The following PDE4D variants were observed in gnomAD, a reference collection of about 807,000 sequenced individuals.
PDE4D encodes 3',5'-cyclic-AMP phosphodiesterase 4D.
PDE4D carries 24 observed loss-of-function variants against 87.4 expected under a neutral mutation model. That is an observed-to-expected ratio of 0.27 (90% CI 0.20 to 0.39). The LOEUF (loss-of-function observed/expected upper bound fraction) is 0.39. PDE4D is among the 10% of genes least tolerant of loss of function. PDE4D has a pLI of 1.00. For synonymous variants in PDE4D, 384 were observed against 383.2 expected (o/e 1.00, Z -0.02); for missense variants, 714 against 1,041.0 (o/e 0.69, Z 4.32).
intron 1 of PDE4D, among the ~76,000 whole-genome samples, chr5:59,479,833 G>T (rs1288922094): frequency 1.3e-5 from 2 of 151,982 alleles, no homozygotes; most frequent in African/African-American, 4.8e-5. Flanking sequence ...ACAATGTCAT[G>T]AAAAGAAGTT....
At chr5:59,538,250 C>G (rs2153682863) in intron 1 of PDE4D, among the ~76,000 whole-genome samples, 1 of 152,246 alleles carries the variant, frequency 6.6e-6, no homozygotes, top group East Asian at 1.9e-4. Flanking sequence ...AGTTTTTTGG[C>G]TTTAGCCTCT....
intron 2 of PDE4D, among the ~76,000 whole-genome samples, chr5:60,134,379 C>T (rs555371471): frequency 3.3e-5 from 5 of 152,154 alleles, no homozygotes; most frequent in Non-Finnish European, 7.3e-5. Flanking sequence ...GTGGCCCACA[C>T]ATGTGGTCCT....
At chr5:59,246,007 ATAT>A (rs1236363466) in intron 1 of PDE4D, among the ~76,000 whole-genome samples, 1 of 149,740 alleles carries the variant, frequency 6.7e-6, no homozygotes, top group Non-Finnish European at 1.5e-5. Flanking sequence ...ATACATATAA[ATAT>A]TATATATAAA....
chr5:60,214,065 C>A (rs1391467049), intron 1 of PDE4D, among the ~76,000 whole-genome samples: 1 of 152,066 alleles, frequency 6.6e-6, no homozygotes, highest in East Asian at 1.9e-4. Context: ...ATTTACGAAC[C>A]ATTGCAGACG....
intron 2 of PDE4D, among the ~76,000 whole-genome samples, chr5:60,042,183 G>C (rs1032759155): frequency 6.6e-6 from 1 of 152,176 alleles, no homozygotes; most frequent in Non-Finnish European, 1.5e-5. Context: ...TGTAAACAAA[G>C]CCACCAGGAA....
rs540684014 is a variant in PDE4D at position 60,087,402 on chromosome 5, C to T, written c.42+98155G>A. On this transcript the variant is annotated intron_variant, in intron 2 of 16. Coordinates refer to the PDE4D transcript ENST00000502484. Reference sequence around the variant, plus strand: ...CTCAAAGAAACCAACAAAACTCCAACAATAGACACAGAAGAATGCAACATC... The same window carrying T: ...CTCAAAGAAACCAACAAAACTCCAATAATAGACACAGAAGAATGCAACATC... Among the ~76,000 whole-genome samples the T allele has an allele frequency of 8.4e-4, 128 of 152,236 alleles. 1 individual carries two copies. The highest frequency in any genetic ancestry group is 6.8e-3 in the Middle Eastern group (2 of 294).
intron 2 of PDE4D, among the ~76,000 whole-genome samples, chr5:60,090,230 T>C (rs1444610638): frequency 6.6e-6 from 1 of 151,840 alleles, no homozygotes; most frequent in Non-Finnish European, 1.5e-5. Context: ...CACAACAAAA[T>C]AGGAAAACTA....
At chr5:60,005,580 A>G (rs1050518718) in intron 2 of PDE4D, among the ~76,000 whole-genome samples, 2 of 152,034 alleles carry the variant, frequency 1.3e-5, no homozygotes, top group African/African-American at 2.4e-5. Context: ...ATGTATACCT[A>G]TATCAAGTCA....
At chr5:59,113,039 G>A (rs550273405) in intron 5 of PDE4D, among the ~76,000 whole-genome samples, 1 of 151,982 alleles carries the variant, frequency 6.6e-6, no homozygotes, top group South Asian at 2.1e-4. Flanking sequence ...AACCTCAGGT[G>A]ATCCAACCGC....
intron 1 of PDE4D, among the ~76,000 whole-genome samples, chr5:60,410,861 T>A (rs1357948182): frequency 6.6e-6 from 1 of 152,222 alleles, no homozygotes; most frequent in African/African-American, 2.4e-5. Context: ...ATATTTATTT[T>A]AAAAACATAA....
chr5:60,014,264 G>A (rs945629595), intron 2 of PDE4D, among the ~76,000 whole-genome samples: 1 of 152,100 alleles, frequency 6.6e-6, no homozygotes, highest in Non-Finnish European at 1.5e-5. Flanking sequence ...ATGTAGCCAC[G>A]TAAGTGACCT....
intron 1 of PDE4D, chr5:59,586,226 C>T: frequency 1.2e-6 from 1 of 852,460 alleles, no homozygotes; most frequent in South Asian, 1.6e-5. Flanking sequence ...TTCATTCTCA[C>T]TTGATACCAA....
chr5:60,183,552 A>G (rs1449738883), intron 2 of PDE4D, among the ~76,000 whole-genome samples: 3 of 152,010 alleles, frequency 2.0e-5, no homozygotes, highest in Non-Finnish European at 2.9e-5. Flanking sequence ...TCTTTTTTCT[A>G]CCTCTTTTGT....
intron 1 of PDE4D, among the ~76,000 whole-genome samples, chr5:60,352,658 G>C (rs1759302855): frequency 6.6e-6 from 1 of 152,194 alleles, no homozygotes; most frequent in Non-Finnish European, 1.5e-5. Flanking sequence ...TGGAGATTCT[G>C]CATTTCTGCC....
chr5:59,735,504 T>TTTTG (rs1757945117), intron 1 of PDE4D, among the ~76,000 whole-genome samples: 1 of 152,102 alleles, frequency 6.6e-6, no homozygotes, highest in African/African-American at 2.4e-5. Flanking sequence ...AACTCTGAAA[T>TTTTG]TAAACAAGCT....
chr5:59,890,068 T>A (rs1470468030), intron 1 of PDE4D, among the ~76,000 whole-genome samples: 1 of 152,190 alleles, frequency 6.6e-6, no homozygotes, highest in African/African-American at 2.4e-5. Context: ...TTCTCAAAAT[T>A]TCAGCCAAGA....
chr5:60,239,853 T>A (rs938247450), intron 1 of PDE4D, among the ~76,000 whole-genome samples: 25 of 152,174 alleles, frequency 1.6e-4, no homozygotes, highest in African/African-American at 6.0e-4. Flanking sequence ...TTTCTAATAG[T>A]TTTTCAATGA....
chr5:59,977,567 A>G (rs891338186), intron 3 of PDE4D, among the ~76,000 whole-genome samples: 3 of 152,196 alleles, frequency 2.0e-5, no homozygotes, highest in South Asian at 2.1e-4. Flanking sequence ...TGAACCTAAA[A>G]TAAAAGCTGG....
At chr5:59,162,425 C>T (rs6450505) in intron 5 of PDE4D, among the ~76,000 whole-genome samples, 36,219 of 151,970 alleles carry the variant, frequency 0.24, 4,582 homozygotes, top group African/African-American at 0.29. Flanking sequence ...CTTAATTTGA[C>T]CAAGGATTGC....
Sources: allele counts gnomAD v4.1 joint callset (sites outside exome capture counted in the v4.1 genomes callset), GRCh38; gene constraint gnomAD v4.1.1; transcripts MANE v1.5; gene names NCBI Gene and HGNC (gene_info 2026-07-23, HGNC 2026-07-21).